Variants in TLK1 observed in about 807,000 individuals in gnomAD.
The protein encoded by TLK1 is serine/threonine-protein kinase tousled-like 1.
In TLK1, 24 loss-of-function variants were observed where a neutral mutation model predicts 105.3. The observed-to-expected ratio is 0.23, with a 90% CI of 0.17 to 0.32. The LOEUF is 0.32. Among genes scored for constraint, TLK1 ranks in the 10% least tolerant of loss-of-function variants. The pLI is 1.00. For missense variants in TLK1, 558 were observed against 910.5 expected, an observed-to-expected ratio of 0.61 and a Z score of 4.98; for synonymous variants, 321 against 310.4, an observed-to-expected ratio of 1.03 and a Z score of -0.36.
intron 4 of TLK1, chr2:171,060,024 A>G (rs756905707): frequency 6.2e-7 from 1 of 1,610,886 alleles, no homozygotes; most frequent in South Asian, 1.1e-5. Flanking sequence ...TTTGGACTTG[A>G]AGTCAAGTTT....
At chr2:171,179,297 A>G (rs1420769755) in intron 1 of TLK1, among the ~76,000 whole-genome samples, 2 of 152,174 alleles carry the variant, frequency 1.3e-5, no homozygotes, top group Non-Finnish European at 1.5e-5. Context: ...ACATGATGAC[A>G]TTTTTTTCTT....
chr2:171,190,363 T>G (rs1384717855), intron 1 of TLK1, among the ~76,000 whole-genome samples: 1 of 152,198 alleles, frequency 6.6e-6, no homozygotes, highest in African/African-American at 2.4e-5. Flanking sequence ...ACATAAAGCT[T>G]ACTGTCAAGC....
chr2:171,062,922 C>T (rs137979251), intron 3 of TLK1, among the ~76,000 whole-genome samples: 2 of 152,326 alleles, frequency 1.3e-5, no homozygotes, highest in African/African-American at 2.4e-5. Context: ...GATGTACCAG[C>T]AATTTTGGGT....
At position 171,030,947 on chromosome 2, in the gene TLK1, C is replaced by T. The variant is rs75139610; in HGVS notation, c.1170-2542G>A. On this transcript the variant is annotated intron_variant, in intron 11 of 20. Coordinates refer to ENST00000431350, the MANE Select transcript of TLK1 (RefSeq NM_012290.5). ...TAGACTCTGTGCAATTTAGGAGAAACGCTATTTTGTTGTTGTGTGTTGTTA... is the reference window on the plus strand; with the variant it reads ...TAGACTCTGTGCAATTTAGGAGAAATGCTATTTTGTTGTTGTGTGTTGTTA... 1.1e-3 allele frequency among the ~76,000 whole-genome samples: 169 copies of T among 151,286 alleles called. 2 individuals carry two copies. In the East Asian group the frequency reaches 0.029, roughly 26 times the overall value.
chr2:171,028,278 A>AC, intron 12 of TLK1, 61 bp downstream of exon 12: 1 of 1,238,730 alleles, frequency 8.1e-7, no homozygotes, highest in East Asian at 2.3e-5. Context: ...GACTTATAAC[A>AC]CAACTTCCCA....
At chr2:171,052,263 C>CG (rs913103016) in intron 8 of TLK1, among the ~76,000 whole-genome samples, 2 of 151,268 alleles carry the variant, frequency 1.3e-5, no homozygotes, top group African/African-American at 2.4e-5. Flanking sequence ...TGTCACTTAG[C>CG]GGGGGAAAAA....
chr2:171,058,285 T>C, intron 4 of TLK1, 88 bp from the exon 5 acceptor site: 1 of 1,187,702 alleles, frequency 8.4e-7, no homozygotes, highest in Non-Finnish European at 1.2e-6. Context: ...GCTATCAATT[T>C]CACAAATATG....
In TLK1 at chr2:171,068,002, T is replaced by C. The variant is rs138452574; in HGVS notation, c.331-6846A>G. 2.9e-4 allele frequency among the ~76,000 whole-genome samples: 44 copies of C among 152,228 alleles called. 1 individual carries two copies. The East Asian group carries it at 8.5e-3, about 29-fold the overall frequency. On this transcript the variant is annotated intron_variant, in intron 3 of 20. Coordinates refer to ENST00000431350, the MANE Select transcript of TLK1 (RefSeq NM_012290.5). ...TTCCGTGGTGCCAATACAACACTTT[T>C]AATCAGAAAAAAAGTGATCTTTTTT...
chr2:171,041,568 C>A (rs1283373074), intron 11 of TLK1, among the ~76,000 whole-genome samples: 7 of 152,214 alleles, frequency 4.6e-5, no homozygotes, highest in Admixed American at 4.6e-4. Flanking sequence ...TCATAGAGCA[C>A]AAACCCTATT....
chr2:171,137,646 C>G (rs1021018380), intron 1 of TLK1, among the ~76,000 whole-genome samples: 1 of 151,900 alleles, frequency 6.6e-6, no homozygotes, highest in Non-Finnish European at 1.5e-5. Context: ...CTCAGGAGTT[C>G]GCGACCAACC....
Position 171,082,899 on chromosome 2 carries a change from A to C in TLK1, c.259-47T>G, listed in dbSNP as rs1008165722. The C allele has an allele frequency of 2.3e-6, 3 of 1,288,064 alleles. No homozygotes were observed. In the African/African-American group the frequency reaches 4.5e-5, roughly 19 times the overall value. 79.8% of individuals were successfully genotyped at this position (1,288,064 alleles called of 1,614,324 possible). On this transcript the variant is annotated intron_variant, in intron 2 of 20. Transcript: ENST00000431350. ...GTAAAAATTAGGAGTAATTTTTTTAAAGCAGCGGGAATAATTTTAAACAAA... is the reference window on the plus strand; with the variant it reads ...GTAAAAATTAGGAGTAATTTTTTTACAGCAGCGGGAATAATTTTAAACAAA...
rs1293811794 is a variant in TLK1 at position 170,996,603 on chromosome 2, C to T, written c.2124+50G>A. On this transcript the variant is annotated intron_variant, in intron 20 of 20. Transcript: ENST00000431350. ...AGTACTTACCTTGTTGTCAGCACAACTGATGAAAGAAAAGTTACTTCACAA... is the reference window on the plus strand; with the variant it reads ...AGTACTTACCTTGTTGTCAGCACAATTGATGAAAGAAAAGTTACTTCACAA... 3 of 1,480,888 alleles carry T rather than the reference C, an allele frequency of 2.0e-6. No homozygotes were observed. In the Admixed American group the frequency reaches 5.3e-5, roughly 26 times the overall value. 91.7% of individuals were successfully genotyped at this position (1,480,888 alleles called of 1,614,324 possible). A position where few individuals can be genotyped will look rare whatever the true frequency, so the allele number is the denominator to read the frequency against.
chr2:170,995,319 A>C (rs184577984), intron 20 of TLK1, among the ~76,000 whole-genome samples: 107 of 152,238 alleles, frequency 7.0e-4, no homozygotes, highest in African/African-American at 1.9e-3. Context: ...TACAGAATAT[A>C]GAGATATTAT....
chr2:171,085,623 T>C (rs952885331), intron 2 of TLK1, among the ~76,000 whole-genome samples: 26 of 152,180 alleles, frequency 1.7e-4, no homozygotes, highest in African/African-American at 6.3e-4. Context: ...GTGTTTTATA[T>C]TCAGTAAAAT....
intron 3 of TLK1, among the ~76,000 whole-genome samples, chr2:171,070,157 A>G (rs1338324435): frequency 6.6e-6 from 1 of 151,998 alleles, no homozygotes; most frequent in Non-Finnish European, 1.5e-5. Context: ...TGTTTCCACC[A>G]ATCAGCTTAG....
At chr2:171,184,834 G>GTTTT (rs56686274) in intron 1 of TLK1, among the ~76,000 whole-genome samples, 6,351 of 143,874 alleles carry the variant, frequency 0.044, 430 homozygotes, top group East Asian at 0.33. Context: ...TATAATTATG[G>GTTTT]TTGTTTGTTT....
chr2:171,050,465 C>T (rs1490368547), intron 8 of TLK1, among the ~76,000 whole-genome samples: 1 of 152,062 alleles, frequency 6.6e-6, no homozygotes, highest in Non-Finnish European at 1.5e-5. Context: ...GTTCAGCTTT[C>T]TTATTTCTAA....
intron 14 of TLK1, among the ~76,000 whole-genome samples, chr2:171,010,257 C>T (rs572776774): frequency 2.0e-5 from 3 of 151,912 alleles, no homozygotes; most frequent in Admixed American, 1.3e-4. Context: ...GAAGAGCATA[C>T]GATGGTTTTT....
In TLK1 at chr2:170,991,245, C is replaced by G. The variant is rs1683769010; in HGVS notation, c.*2535G>C. ...TATCATCTTAGGGATGCAGGACATG[C>G]TTTAATTCTGAGGACAGACACCAGG... On this transcript the variant is annotated 3_prime_UTR_variant, in exon 21 of 21. Coordinates refer to ENST00000431350, the MANE Select transcript of TLK1 (RefSeq NM_012290.5). 1 of 152,118 alleles carries G rather than the reference C, an allele frequency of 6.6e-6. No homozygotes were observed. The highest frequency in any genetic ancestry group is 6.6e-5 in the Admixed American group (1 of 15,266). The allele number at this position is 152,118 out of a possible 1,614,324, so 9.4% of individuals were successfully genotyped here. A position where few individuals can be genotyped will look rare whatever the true frequency, so the allele number is the denominator to read the frequency against.
Sources: gnomAD v4.1 joint callset for allele counts (sites outside exome capture counted in the v4.1 genomes callset) on GRCh38, gnomAD v4.1.1 for gene constraint, MANE v1.5 for transcripts, NCBI Gene and HGNC (gene_info 2026-07-23, HGNC 2026-07-21) for gene names.